Variants in ZFHX3 observed in about 807,000 individuals in gnomAD.
ZFHX3 encodes zinc finger homeobox 3, also known as zinc finger homeobox protein 3.
A neutral mutation model predicts 279.1 loss-of-function variants in ZFHX3; 42 were observed. The observed-to-expected ratio is 0.15, with a 90% CI of 0.12 to 0.19. The LOEUF is 0.19. ZFHX3 is among the 10% of genes least tolerant of loss of function. The pLI is 1.00. For synonymous variants in ZFHX3, 2,293 were observed against 1,957.8 expected, an observed-to-expected ratio of 1.17 and a Z score of -4.52; for missense variants, 4,981 against 4,754.0, an observed-to-expected ratio of 1.05 and a Z score of -1.40.
At chr16:73,839,676 C>G (rs1224706367) in intron 1 of ZFHX3, among the ~76,000 whole-genome samples, 2 of 152,160 alleles carry the variant, frequency 1.3e-5, no homozygotes, top group African/African-American at 4.8e-5. Context: ...CTTCACTTCC[C>G]TAAGTCAAAG....
intron 3 of ZFHX3, among the ~76,000 whole-genome samples, chr16:73,428,523 C>T (rs2017852563): frequency 6.6e-6 from 1 of 152,128 alleles, no homozygotes; most frequent in South Asian, 2.1e-4. Context: ...CACCAGCCAC[C>T]AGCGAGGACA....
chr16:72,926,511 ATG>A (rs1959455087), intron 3 of ZFHX3, among the ~76,000 whole-genome samples: 1 of 152,230 alleles, frequency 6.6e-6, no homozygotes, highest in Admixed American at 6.5e-5. Context: ...CCTTTCTCAA[ATG>A]AGCTGGAAGT....
chr16:73,650,602 A>G (rs1386746562), intron 2 of ZFHX3, among the ~76,000 whole-genome samples: 1 of 152,212 alleles, frequency 6.6e-6, no homozygotes, highest in Non-Finnish European at 1.5e-5. Context: ...ATTTTCCTCC[A>G]AAATCACTTC....
chr16:72,888,304 T>C (rs1042057514), intron 4 of ZFHX3, among the ~76,000 whole-genome samples: 1 of 151,856 alleles, frequency 6.6e-6, no homozygotes, highest in African/African-American at 2.4e-5. Context: ...GGATCAGGAG[T>C]GGCCTTGGGT....
intron 1 of ZFHX3, among the ~76,000 whole-genome samples, chr16:73,730,078 T>C (rs1018065920): frequency 5.3e-5 from 8 of 152,150 alleles, no homozygotes; most frequent in Admixed American, 3.3e-4. Context: ...TCAATATCCA[T>C]GCACAGAAGG....
At chr16:72,882,939 T>G (rs1274250618) in intron 4 of ZFHX3, among the ~76,000 whole-genome samples, 3 of 150,646 alleles carry the variant, frequency 2.0e-5, no homozygotes, top group African/African-American at 7.4e-5. Context: ...AGGTTTCTTC[T>G]ATGAGGAGTC....
intron 4 of ZFHX3, among the ~76,000 whole-genome samples, chr16:72,844,923 G>A (rs1300504017): frequency 2.0e-5 from 3 of 151,344 alleles, no homozygotes; most frequent in Non-Finnish European, 4.4e-5. Flanking sequence ...AAGTCCTGTA[G>A]TAACAGTGCT....
chr16:73,187,002 G>T (rs1375692800), intron 5 of ZFHX3, among the ~76,000 whole-genome samples: 1 of 152,170 alleles, frequency 6.6e-6, no homozygotes, highest in Non-Finnish European at 1.5e-5. Context: ...ACAGCTTTCA[G>T]GCCAGAAAGG....
At chr16:73,701,710 G>A (rs1302936929) in intron 1 of ZFHX3, among the ~76,000 whole-genome samples, 2 of 152,044 alleles carry the variant, frequency 1.3e-5, no homozygotes, top group African/African-American at 2.4e-5. Flanking sequence ...CTTTTACCCT[G>A]CTACATAATT....
intron 3 of ZFHX3, among the ~76,000 whole-genome samples, chr16:73,424,400 T>G (rs10163249): frequency 0.079 from 12,008 of 152,096 alleles, 965 homozygotes; most frequent in East Asian, 0.31. Flanking sequence ...TCCAGGGGCT[T>G]CTGGTAGCTT....
intron 1 of ZFHX3, among the ~76,000 whole-genome samples, chr16:73,777,474 G>A (rs406536): frequency 0.38 from 49,794 of 132,542 alleles, 8,766 homozygotes; most frequent in African/African-American, 0.45. Flanking sequence ...ACGCCACTGC[G>A]CTCCAGCCTG....
intron 3 of ZFHX3, among the ~76,000 whole-genome samples, chr16:72,910,704 C>A (rs74028149): frequency 0.019 from 2,940 of 152,172 alleles, 43 homozygotes; most frequent in Middle Eastern, 0.054. Context: ...TCATAACCCT[C>A]GGGAGTTTTT....
At chr16:73,242,635 C>G (rs1320128467) in intron 5 of ZFHX3, among the ~76,000 whole-genome samples, 1 of 152,192 alleles carries the variant, frequency 6.6e-6, no homozygotes, top group Non-Finnish European at 1.5e-5. Context: ...TAGCAATTTG[C>G]AAGATGCTCC....
chr16:73,867,613 C>T (rs1962059500), intron 1 of ZFHX3, among the ~76,000 whole-genome samples: 1 of 152,194 alleles, frequency 6.6e-6, no homozygotes, highest in African/African-American at 2.4e-5. Flanking sequence ...TACTAATCCT[C>T]ATGGTACTTA....
At chr16:73,558,709 CTTTTTTTTTT>C (rs989644068) in intron 2 of ZFHX3, among the ~76,000 whole-genome samples, 4 of 90,478 alleles carry the variant, frequency 4.4e-5, no homozygotes, top group Admixed American at 1.3e-4. Context: ...GAAAATGACT[CTTTTTTTTTT>C]TTTTTTTTTT....
At chr16:72,900,582 GCTT>G (rs1244069029) in intron 3 of ZFHX3, among the ~76,000 whole-genome samples, 1 of 152,184 alleles carries the variant, frequency 6.6e-6, no homozygotes, top group African/African-American at 2.4e-5. Context: ...TTGCTTCGTC[GCTT>G]CTGATGGGCA....
intron 7 of ZFHX3, among the ~76,000 whole-genome samples, chr16:73,098,289 C>T (rs1284727679): frequency 3.3e-5 from 5 of 152,138 alleles, no homozygotes; most frequent in East Asian, 1.9e-4. Context: ...AGGCTGGTCT[C>T]GAACTCCTGA....
Position 72,957,612 on chromosome 16 carries a change from T to C in ZFHX3, c.2534A>G (p.Asn845Ser), listed in dbSNP as rs752852425. 10 of 1,613,946 alleles carry C rather than the reference T, an allele frequency of 6.2e-6. No individual in the cohort carries two copies. Among genetic ancestry groups the C allele is most frequent in the Admixed American group, 3.3e-5 (2 of 59,996 alleles). Residue 845 changes from asparagine (N) to serine (S), a missense_variant, in exon 2 of 10, where the codon AAC (asparagine) becomes AGC (serine). Physicochemically the swap from Asn to Ser is conservative, Grantham distance 46. Transcript: ENST00000268489. Reference sequence around the variant, plus strand: ...CAGGCTGCCGAGGCCCAGGTGGCGGTTGTGTTGGATCTGGGTCATGTTCTG... The same window carrying C: ...CAGGCTGCCGAGGCCCAGGTGGCGGCTGTGTTGGATCTGGGTCATGTTCTG... ...LQQNMTQIQHNRHLGLGSLPS... is the reference protein window; with the variant it reads ...LQQNMTQIQHSRHLGLGSLPS...
chr16:72,909,948 C>A (rs976365015), intron 3 of ZFHX3, among the ~76,000 whole-genome samples: 5 of 149,726 alleles, frequency 3.3e-5, no homozygotes, highest in Non-Finnish European at 7.4e-5. Context: ...GCTGTTTCAA[C>A]GTGAAAGTCA....
Sources: allele counts gnomAD v4.1 joint callset (sites outside exome capture counted in the v4.1 genomes callset), GRCh38; gene constraint gnomAD v4.1.1; transcripts MANE v1.5; gene names NCBI Gene and HGNC (gene_info 2026-07-23, HGNC 2026-07-21).